Variants in PPAT observed in about 807,000 individuals in gnomAD.
PPAT encodes amidophosphoribosyltransferase.
Under a neutral mutation model 60.2 loss-of-function variants are expected in PPAT, and 20 were observed. The ratio of observed to expected loss-of-function variants is 0.33; its 90% CI spans 0.23 to 0.48. PPAT has a LOEUF of 0.48. Among genes scored for constraint, PPAT ranks in the 20% least tolerant of loss-of-function variants. PPAT has a pLI of 0.99. For synonymous variants in PPAT, 194 were observed against 215.1 expected (o/e 0.90, Z 0.86); for missense variants, 349 against 629.6 (o/e 0.55, Z 4.77).
At position 56,407,742 on chromosome 4, in the gene PPAT, G is replaced by A. The variant is rs780946456; in HGVS notation, c.129-26C>T. Reference sequence around the variant, plus strand: ...CTGTGAATATAAAAAGATATTAGCTGTTAAATCTGCCAATTGATTAGCTTC... The same window carrying A: ...CTGTGAATATAAAAAGATATTAGCTATTAAATCTGCCAATTGATTAGCTTC... On this transcript the variant is annotated intron_variant, in intron 1 of 10. Transcript: ENST00000264220. 2.0e-6 allele frequency: 3 copies of A among 1,538,002 alleles called. No homozygotes were observed. In the Admixed American group the frequency reaches 5.0e-5, roughly 26 times the overall value.
At chr4:56,417,148 C>T (rs779411241) in intron 1 of PPAT, among the ~76,000 whole-genome samples, 11 of 152,100 alleles carry the variant, frequency 7.2e-5, no homozygotes, top group South Asian at 6.2e-4. Context: ...TGCACCCGGC[C>T]GCTTCTAATT....
intron 1 of PPAT, among the ~76,000 whole-genome samples, chr4:56,434,888 A>C (rs1717811422): frequency 6.6e-6 from 1 of 152,234 alleles, no homozygotes; most frequent in African/African-American, 2.4e-5. Flanking sequence ...TGCAAACAAA[A>C]GCTTGTGGTG....
At chr4:56,410,593 A>G in intron 1 of PPAT, 5 of 986,450 alleles carry the variant, frequency 5.1e-6, no homozygotes, top group Non-Finnish European at 4.8e-6. Context: ...AAAAAAATAT[A>G]CGAAAACAAC....
In PPAT at chr4:56,410,524, T is replaced by A. The variant is rs1422477007; in HGVS notation, c.129-2808A>T. ...TCCAGGTCACTTTCAACATGGAGAG[T>A]GGAGCAGGAAAGCACTGGACTGAGG... On this transcript the variant is annotated intron_variant, in intron 1 of 10. Coordinates refer to ENST00000264220, the MANE Select transcript of PPAT (RefSeq NM_002703.5). 4.1e-6 allele frequency: 4 copies of A among 986,196 alleles called. No individual in the cohort carries two copies. The Admixed American group carries it at 2.5e-4, about 61-fold the overall frequency. The allele number at this position is 986,196 out of a possible 1,614,324, so 61.1% of individuals were successfully genotyped here.
intron 9 of PPAT, among the ~76,000 whole-genome samples, chr4:56,398,970 C>CT (rs1474585580): frequency 6.6e-6 from 1 of 151,964 alleles, no homozygotes; most frequent in Non-Finnish European, 1.5e-5. Flanking sequence ...TTATATTGAG[C>CT]TTTTTTAATC....
rs776405602 is a variant in PPAT at position 56,399,304 on chromosome 4, T to C, written c.1111A>G (p.Lys371Glu). The change falls in exon 9 of 11, where the codon AAA becomes GAA. Residue 371 changes from lysine (K) to glutamate (E), a missense_variant. Lys to Glu is a moderately conservative substitution (Grantham distance 56). Around this residue, in one of 5 missense-constraint regions of PPAT, gnomAD observed 167 missense variants for 328.6 expected, o/e 0.51. Coordinates refer to ENST00000264220, the MANE Select transcript of PPAT (RefSeq NM_002703.5). Reference sequence around the variant, plus strand: ...TTGTCTGACAATACTCCAAATTTTTTTGCAACACCAAGTTGTCTTAACCTC... The same window carrying C: ...TTGTCTGACAATACTCCAAATTTTTCTGCAACACCAAGTTGTCTTAACCTC... ...NMRLRQLGVA[K>E]KFGVLSDNFK... The C allele has an allele frequency of 3.7e-6, 6 of 1,614,058 alleles. No individual in the cohort carries two copies. The highest frequency in any genetic ancestry group is 5.1e-6 in the Non-Finnish European group (6 of 1,179,960).
chr4:56,420,158 T>C, intron 1 of PPAT: 1 of 246,824 alleles, frequency 4.1e-6, no homozygotes, highest in Non-Finnish European at 6.5e-6. Flanking sequence ...AGATACTTTT[T>C]CAGATTTTAG....
In PPAT at chr4:56,401,413, A is replaced by AT; in HGVS notation, c.802dup (p.Ile268AsnfsTer6). The AT allele has an allele frequency of 6.2e-7, 1 of 1,607,182 alleles. No homozygotes were observed. The highest frequency in any genetic ancestry group is 2.2e-5 in the East Asian group (1 of 44,784). On this transcript the variant is annotated frameshift_variant, in exon 7 of 11. Transcript: ENST00000264220. LOFTEE classifies it high-confidence loss of function. ...TGGGTTTCCTTCAGACCTTGATATA[A>AT]TATCAAGAGTTTGGACATTGTGTCT...
chr4:56,403,208 A>G, intron 4 of PPAT, 23 bp from the exon 5 acceptor site: 5 of 1,599,610 alleles, frequency 3.1e-6, no homozygotes, highest in Non-Finnish European at 4.3e-6. Context: ...AAATAATTGA[A>G]TGAATAACTT....
At position 56,435,584 on chromosome 4, in the gene PPAT, G is replaced by GCT; in HGVS notation, c.-109_-108dup. 6.4e-7 allele frequency: 1 copy of GCT among 1,572,858 alleles called. No homozygotes were observed. The highest frequency in any genetic ancestry group is 1.3e-5 in the African/African-American group (1 of 74,302). The stretch of plus-strand genomic sequence containing the variant: ...GCTCAGAAGCTCGCGCTCGCGACAG[G>GCT]CTCTTCCTTCCCGAGGGTGGCCCCA... On this transcript the variant is annotated 5_prime_UTR_variant, in exon 1 of 11. Transcript: ENST00000264220.
chr4:56,409,419 T>C (rs1288646933), intron 1 of PPAT, among the ~76,000 whole-genome samples: 1 of 152,226 alleles, frequency 6.6e-6, no homozygotes, highest in African/African-American at 2.4e-5. Flanking sequence ...TATGCCTTTC[T>C]GCATTTTCCA....
intron 1 of PPAT, among the ~76,000 whole-genome samples, chr4:56,415,693 G>C (rs1305849015): frequency 6.6e-6 from 1 of 152,070 alleles, no homozygotes; most frequent in Middle Eastern, 3.2e-3. Context: ...TCTCATTGCA[G>C]GACCTACTCT....
chr4:56,418,923 T>C (rs1387526642), intron 1 of PPAT, among the ~76,000 whole-genome samples: 1 of 152,242 alleles, frequency 6.6e-6, no homozygotes, highest in African/African-American at 2.4e-5. Flanking sequence ...ATGAAATTTC[T>C]GACACATTTC....
intron 4 of PPAT, 28 bp from the exon 5 acceptor site, chr4:56,403,213 T>C: frequency 6.3e-7 from 1 of 1,599,272 alleles, no homozygotes; most frequent in Non-Finnish European, 8.6e-7. Context: ...ATTGAATGAA[T>C]AACTTCAGTT....
intron 3 of PPAT, among the ~76,000 whole-genome samples, chr4:56,406,197 T>C (rs1716236558): frequency 6.6e-6 from 1 of 152,190 alleles, no homozygotes; most frequent in African/African-American, 2.4e-5. Context: ...AGCAAGTCCA[T>C]AAACTCTAAT....
At chr4:56,418,059 G>A (rs1716860483) in intron 1 of PPAT, among the ~76,000 whole-genome samples, 1 of 152,074 alleles carries the variant, frequency 6.6e-6, no homozygotes, top group African/African-American at 2.4e-5. Context: ...GGATGGTCTT[G>A]ATCTCCTGAC....
chr4:56,423,213 C>T (rs1717130115), intron 1 of PPAT: 1 of 152,230 alleles, frequency 6.6e-6, no homozygotes, highest in South Asian at 2.1e-4. Context: ...ATTTAACAAA[C>T]TAGTTAATCA....
chr4:56,402,600 T>C (rs1716139577), intron 5 of PPAT, among the ~76,000 whole-genome samples: 1 of 152,218 alleles, frequency 6.6e-6, no homozygotes, highest in East Asian at 1.9e-4. Flanking sequence ...GCAGATCACC[T>C]GAGGTCAGGA....
At chr4:56,411,833 A>G (rs1460901364) in intron 1 of PPAT, among the ~76,000 whole-genome samples, 1 of 152,216 alleles carries the variant, frequency 6.6e-6, no homozygotes, top group East Asian at 1.9e-4. Context: ...GGTTAAGAGG[A>G]CAAAGATTAC....
Sources: allele counts gnomAD v4.1 joint callset (sites outside exome capture counted in the v4.1 genomes callset), GRCh38; gene constraint gnomAD v4.1.1; regional missense constraint gnomAD v4.1.1; transcripts MANE v1.5; gene names NCBI Gene and HGNC (gene_info 2026-07-23, HGNC 2026-07-21).